DYNC1I2: variants seen among roughly 807,000 people sequenced by gnomAD.
The protein encoded by DYNC1I2 is cytoplasmic dynein 1 intermediate chain 2.
DYNC1I2 carries 53 observed loss-of-function variants against 88.6 expected under a neutral mutation model. The observed-to-expected ratio is 0.60, with a 90% CI of 0.48 to 0.75. The LOEUF is 0.75. DYNC1I2 is among the 30% of genes least tolerant of loss of function. DYNC1I2 has a pLI of 0.00. For missense variants in DYNC1I2, 458 were observed against 766.6 expected (o/e 0.60, Z 4.75); for synonymous variants, 198 against 254.6 (o/e 0.78, Z 2.12).
intron 15 of DYNC1I2, among the ~76,000 whole-genome samples, chr2:171,736,339 C>T (rs956334714): frequency 6.6e-6 from 1 of 152,158 alleles, no homozygotes; most frequent in African/African-American, 2.4e-5. Flanking sequence ...CTAACCGGAA[C>T]TAACAGGCTC....
intron 2 of DYNC1I2, among the ~76,000 whole-genome samples, chr2:171,692,154 T>C (rs1685446366): frequency 6.6e-6 from 1 of 152,160 alleles, no homozygotes; most frequent in Non-Finnish European, 1.5e-5. Flanking sequence ...TCTGAGAGTA[T>C]TGAGGTTTAT....
chr2:171,728,631 T>C (rs1435212575), intron 13 of DYNC1I2, 86 bp from the exon 14 acceptor site: 6 of 1,174,930 alleles, frequency 5.1e-6, no homozygotes, highest in Non-Finnish European at 5.8e-6. Context: ...ATAAAAGAAT[T>C]GTTTACAATC....
At chr2:171,725,484 C>T (rs928473572) in intron 7 of DYNC1I2, 134 bp from the exon 8 acceptor site, 7 of 577,058 alleles carry the variant, frequency 1.2e-5, no homozygotes, top group African/African-American at 1.2e-4. Flanking sequence ...CAGTGGTTTA[C>T]TTTTGCTTAT....
At chr2:171,730,376 A>G (rs1559397617) in intron 15 of DYNC1I2, among the ~76,000 whole-genome samples, 1 of 152,216 alleles carries the variant, frequency 6.6e-6, no homozygotes, top group Non-Finnish European at 1.5e-5. Context: ...GGATGCATAT[A>G]TTTTTTGTTA....
chr2:171,746,097 C>T (rs1316470662), intron 17 of DYNC1I2, among the ~76,000 whole-genome samples, 170 bp downstream of exon 17: 3 of 152,154 alleles, frequency 2.0e-5, no homozygotes, highest in Non-Finnish European at 4.4e-5. Flanking sequence ...CATTTTCTTT[C>T]TAAACCGAAT....
At chr2:171,713,016 C>T in intron 6 of DYNC1I2, among the ~76,000 whole-genome samples, 190 bp downstream of exon 6, 1 of 151,910 alleles carries the variant, frequency 6.6e-6, no homozygotes, top group East Asian at 1.9e-4. Context: ...TTCTATGTAC[C>T]CTGAGTCCAT....
At chr2:171,700,172 G>T (rs1354239627) in intron 3 of DYNC1I2, among the ~76,000 whole-genome samples, 1 of 152,170 alleles carries the variant, frequency 6.6e-6, no homozygotes, top group Non-Finnish European at 1.5e-5. Context: ...CTGGCAAGTT[G>T]GTGTTGGTTG....
intron 3 of DYNC1I2, 148 bp from the exon 4 acceptor site, chr2:171,706,399 G>A (rs1023095187): frequency 1.0e-5 from 7 of 680,802 alleles, no homozygotes; most frequent in Admixed American, 4.5e-5. Flanking sequence ...AAATGTGCAC[G>A]TTCAGCTGTT....
chr2:171,744,769 CTTAT>C lies in DYNC1I2; in HGVS notation c.1677+587_1677+590del, dbSNP rs916140302. 4.8e-4 allele frequency among the ~76,000 whole-genome samples: 73 copies of C among 152,070 alleles called. 1 individual carries two copies. The highest frequency in any genetic ancestry group is 1.9e-4 in the East Asian group (1 of 5,200). Reference sequence around the variant, plus strand: ...TTAGCCATTAAATTTAATTGCAACTCTTATTTATTTTTAGTCACATGTATTTTTA... The same window carrying C: ...TTAGCCATTAAATTTAATTGCAACTCTTATTTTTAGTCACATGTATTTTTA... On this transcript the variant is annotated intron_variant, in intron 16 of 17. Coordinates refer to ENST00000397119, the MANE Select transcript of DYNC1I2 (RefSeq NM_001378.3).
At chr2:171,731,237 A>T (rs1034681259) in intron 15 of DYNC1I2, among the ~76,000 whole-genome samples, 1 of 152,210 alleles carries the variant, frequency 6.6e-6, no homozygotes, top group Non-Finnish European at 1.5e-5. Context: ...AGGTAGAAGA[A>T]GATTCTCAAA....
chr2:171,692,348 A>G (rs1300191849), intron 2 of DYNC1I2, among the ~76,000 whole-genome samples: 2 of 152,204 alleles, frequency 1.3e-5, no homozygotes, highest in Non-Finnish European at 2.9e-5. Context: ...TCATATTGTC[A>G]TTCACTTAAA....
intron 7 of DYNC1I2, among the ~76,000 whole-genome samples, chr2:171,720,182 C>T (rs1296712336): frequency 6.6e-6 from 1 of 152,072 alleles, no homozygotes; most frequent in East Asian, 1.9e-4. Flanking sequence ...GAGAGAATAT[C>T]GGGCATACAT....
intron 15 of DYNC1I2, among the ~76,000 whole-genome samples, chr2:171,730,977 C>G (rs1171629152): frequency 1.3e-5 from 2 of 152,098 alleles, no homozygotes; most frequent in African/African-American, 4.8e-5. Context: ...AAAAGCTTGC[C>G]TTTTAAAATT....
chr2:171,713,541 A>C (rs1047988668), intron 6 of DYNC1I2, among the ~76,000 whole-genome samples: 1 of 151,906 alleles, frequency 6.6e-6, no homozygotes, highest in African/African-American at 2.4e-5. Context: ...TTCTTTTAGA[A>C]GTTAGTGTTG....
chr2:171,690,137 T>C lies in DYNC1I2; in HGVS notation c.-9-10T>C. On this transcript the variant is annotated splice_polypyrimidine_tract_variant and intron_variant, in intron 1 of 17. Coordinates refer to ENST00000397119, the MANE Select transcript of DYNC1I2 (RefSeq NM_001378.3). Reference sequence around the variant, plus strand: ...TGCTTTTACTAACATAATGATTATATGTTTCTAAGGTCACAAACATGTCAG... The same window carrying C: ...TGCTTTTACTAACATAATGATTATACGTTTCTAAGGTCACAAACATGTCAG... The C allele has an allele frequency of 6.6e-7, 1 of 1,506,706 alleles. No individual in the cohort carries two copies. The highest frequency in any genetic ancestry group is 8.9e-7 in the Non-Finnish European group (1 of 1,118,818). The allele number at this position is 1,506,706 out of a possible 1,614,324, so 93.3% of individuals were successfully genotyped here. A position where few individuals can be genotyped will look rare whatever the true frequency, so the allele number is the denominator to read the frequency against.
intron 3 of DYNC1I2, among the ~76,000 whole-genome samples, chr2:171,706,277 G>C (rs1318563854): frequency 3.3e-5 from 5 of 152,080 alleles, no homozygotes; most frequent in Non-Finnish European, 1.5e-5. Flanking sequence ...ATTTTGAAAA[G>C]ATACTTGGGA....
At chr2:171,715,120 C>T (rs991088856) in intron 6 of DYNC1I2, among the ~76,000 whole-genome samples, 4 of 152,156 alleles carry the variant, frequency 2.6e-5, no homozygotes, top group Non-Finnish European at 5.9e-5. Context: ...AAAATAAAAA[C>T]ACTGAATGAT....
intron 8 of DYNC1I2, 58 bp downstream of exon 8, chr2:171,725,771 A>AC (rs1688210749): frequency 7.1e-6 from 9 of 1,275,010 alleles, no homozygotes; most frequent in Admixed American, 2.8e-5. Context: ...GATTCCTTTT[A>AC]TTATGTATTA....
chr2:171,707,169 G>GT (rs1395573787), intron 4 of DYNC1I2, 118 bp from the exon 5 acceptor site: 1 of 1,450,174 alleles, frequency 6.9e-7, no homozygotes, highest in East Asian at 2.5e-5. Context: ...TTGATTTTTG[G>GT]TTTGCCATTG....
Sources: allele counts gnomAD v4.1 joint callset (sites outside exome capture counted in the v4.1 genomes callset), GRCh38; gene constraint gnomAD v4.1.1; transcripts MANE v1.5; gene names NCBI Gene and HGNC (gene_info 2026-07-23, HGNC 2026-07-21).